Variants in MACROD2 observed in about 807,000 individuals in gnomAD.
The protein encoded by MACROD2 is mono-ADP ribosylhydrolase 2.
A neutral mutation model predicts 70.4 loss-of-function variants in MACROD2; 36 were observed. The ratio of observed to expected loss-of-function variants is 0.51; its 90% CI spans 0.39 to 0.68. The LOEUF is 0.68. MACROD2 is among the 30% of genes least tolerant of loss of function. MACROD2 has a pLI of 0.00. For missense variants in MACROD2, 496 were observed against 538.4 expected (o/e 0.92, Z 0.78); for synonymous variants, 172 against 178.8 (o/e 0.96, Z 0.30).
intron 8 of MACROD2, among the ~76,000 whole-genome samples, chr20:15,625,004 AT>A (rs904551564): frequency 9.2e-5 from 14 of 152,080 alleles, no homozygotes; most frequent in African/African-American, 3.4e-4. Flanking sequence ...GCAGTTTGTG[AT>A]TTTTTTACTT....
At chr20:15,984,575 A>G (rs1281216576) in intron 13 of MACROD2, among the ~76,000 whole-genome samples, 1 of 152,078 alleles carries the variant, frequency 6.6e-6, no homozygotes, top group African/African-American at 2.4e-5. Flanking sequence ...ACAACTAGTT[A>G]ATTTATTTCA....
At chr20:15,463,673 C>A (rs542801161) in intron 7 of MACROD2, among the ~76,000 whole-genome samples, 1 of 152,142 alleles carries the variant, frequency 6.6e-6, no homozygotes, top group Non-Finnish European at 1.5e-5. Flanking sequence ...CATGTGAACC[C>A]GGGAGGCAGA....
At chr20:14,987,280 G>A (rs549665506) in intron 5 of MACROD2, among the ~76,000 whole-genome samples, 1 of 152,232 alleles carries the variant, frequency 6.6e-6, no homozygotes, top group African/African-American at 2.4e-5. Context: ...GGAATGGTAT[G>A]ATAGTAAAAT....
intron 8 of MACROD2, among the ~76,000 whole-genome samples, chr20:15,696,818 A>G (rs1600772701): frequency 6.6e-6 from 1 of 150,788 alleles, no homozygotes; most frequent in Admixed American, 6.7e-5. Flanking sequence ...CATCTCTTCT[A>G]GGTTTTCTAG....
chr20:15,148,434 A>C (rs1164634818), intron 5 of MACROD2, among the ~76,000 whole-genome samples: 2 of 152,110 alleles, frequency 1.3e-5, no homozygotes, highest in African/African-American at 4.8e-5. Context: ...TAGCCTTGCC[A>C]GCAAAGATTA....
chr20:15,934,788 C>T (rs1453352240), intron 11 of MACROD2, among the ~76,000 whole-genome samples: 1 of 152,116 alleles, frequency 6.6e-6, no homozygotes, highest in Non-Finnish European at 1.5e-5. Context: ...ACCTCTGCCT[C>T]CTGTGTTCAA....
intron 5 of MACROD2, among the ~76,000 whole-genome samples, chr20:14,862,647 AT>A: frequency 7.4e-4 from 1 of 1,352 alleles, no homozygotes; most frequent in African/African-American, 2.9e-3. Context: ...ATATAAATAT[AT>A]ATATATAAAT....
At chr20:15,983,291 C>T (rs1024768711) in intron 13 of MACROD2, among the ~76,000 whole-genome samples, 1 of 152,132 alleles carries the variant, frequency 6.6e-6, no homozygotes, top group African/African-American at 2.4e-5. Context: ...TCTGGCTTTA[C>T]GATGTCTTAT....
At chr20:15,586,961 G>A (rs1235143544) in intron 8 of MACROD2, among the ~76,000 whole-genome samples, 2 of 152,166 alleles carry the variant, frequency 1.3e-5, no homozygotes, top group Non-Finnish European at 2.9e-5. Flanking sequence ...AAGAGACAAT[G>A]TTCTTGAGTG....
chr20:14,673,422 T>G (rs948049795), intron 4 of MACROD2, among the ~76,000 whole-genome samples: 1 of 152,166 alleles, frequency 6.6e-6, no homozygotes, highest in Non-Finnish European at 1.5e-5. Context: ...GATTACGAAA[T>G]GCAGACTCTG....
At chr20:15,262,407 C>T (rs972794039) in intron 6 of MACROD2, among the ~76,000 whole-genome samples, 5 of 151,994 alleles carry the variant, frequency 3.3e-5, no homozygotes, top group African/African-American at 1.2e-4. Flanking sequence ...AATAGTACTC[C>T]ATTGCGTATA....
chr20:15,319,757 A>G (rs2077853212), intron 6 of MACROD2, among the ~76,000 whole-genome samples: 1 of 152,206 alleles, frequency 6.6e-6, no homozygotes, highest in Non-Finnish European at 1.5e-5. Flanking sequence ...GTGGTATACA[A>G]TGGAATATTT....
rs1568863313 is a variant in MACROD2 at position 15,519,053 on chromosome 20, T to TC, written c.645+19207dup. Among the ~76,000 whole-genome samples, 18 of 147,560 alleles carry TC rather than the reference T, an allele frequency of 1.2e-4. No homozygotes were observed. The East Asian group carries it at 1.9e-3, about 16-fold the overall frequency. On this transcript the variant is annotated intron_variant, in intron 8 of 17. Transcript: ENST00000684519. The stretch of plus-strand genomic sequence containing the variant: ...TATGAAGTAGGAACTGTTAACTCGC[T>TC]CTTTCCTTCCTTCCTTCCTTCCTTC...
chr20:14,300,461 TTTG>T (rs373108589), intron 3 of MACROD2, among the ~76,000 whole-genome samples: 6 of 152,196 alleles, frequency 3.9e-5, no homozygotes, highest in East Asian at 1.9e-4. Context: ...CTCTTGGGTT[TTTG>T]TTGTTGTTGT....
chr20:14,488,257 ATTCAGATATGCTTG>A (rs1187611393), intron 3 of MACROD2, among the ~76,000 whole-genome samples: 1 of 152,176 alleles, frequency 6.6e-6, no homozygotes, highest in Non-Finnish European at 1.5e-5. Context: ...TTTTTTCCCT[ATTCAGATATGCTTG>A]TTCACTCTTG....
intron 2 of MACROD2, among the ~76,000 whole-genome samples, chr20:14,010,154 T>A: frequency 6.6e-6 from 1 of 152,192 alleles, no homozygotes; most frequent in East Asian, 1.9e-4. Flanking sequence ...TAAAAAAAAA[T>A]TTGGTCATTT....
chr20:15,774,065 G>GT lies in MACROD2; in HGVS notation c.646-88679dup, dbSNP rs61029941. Reference sequence around the variant, plus strand: ...ATATTTTCTCTCTTTCTCTCTTCCTGTGTTTCTTTAATGTAATAAAATAGC... The same window carrying GT: ...ATATTTTCTCTCTTTCTCTCTTCCTGTTGTTTCTTTAATGTAATAAAATAGC... On this transcript the variant is annotated intron_variant, in intron 8 of 17. Transcript: ENST00000684519. 2.3e-3 allele frequency among the ~76,000 whole-genome samples: 346 copies of GT among 152,218 alleles called. 3 individuals carry two copies. The highest frequency in any genetic ancestry group is 7.7e-3 in the African/African-American group (319 of 41,542).
At chr20:15,421,345 C>T (rs1344805223) in intron 6 of MACROD2, among the ~76,000 whole-genome samples, 1 of 150,932 alleles carries the variant, frequency 6.6e-6, no homozygotes, top group Non-Finnish European at 1.5e-5. Flanking sequence ...TGCCACTGCA[C>T]TCCAACCTAG....
intron 5 of MACROD2, among the ~76,000 whole-genome samples, chr20:14,814,921 TTGAA>T (rs71190149): frequency 0.078 from 11,813 of 150,872 alleles, 583 homozygotes; most frequent in East Asian, 0.21. Context: ...TGAACATTTA[TTGAA>T]TGAATGAATG....
Sources: allele counts gnomAD v4.1 joint callset (sites outside exome capture counted in the v4.1 genomes callset), GRCh38; gene constraint gnomAD v4.1.1; transcripts MANE v1.5; gene names NCBI Gene and HGNC (gene_info 2026-07-23, HGNC 2026-07-21).